Variants in ARHGAP35 observed in about 807,000 individuals in gnomAD.
ARHGAP35 encodes the protein Rho GTPase activating protein 35, also known as rho GTPase-activating protein 35.
A neutral mutation model predicts 111.1 loss-of-function variants in ARHGAP35; 15 were observed. The observed-to-expected ratio is 0.13, with a 90% confidence interval of 0.09 to 0.21. The LOEUF (loss-of-function observed/expected upper bound fraction) is 0.21. Among genes scored for constraint, ARHGAP35 ranks in the 10% least tolerant of loss-of-function variants. The pLI is 1.00. For missense variants in ARHGAP35, 1,262 were observed against 1,873.0 expected (o/e 0.67, Z 6.02); for synonymous variants, 643 against 710.3 (o/e 0.91, Z 1.51).
At chr19:46,979,542 G>A (rs370391537) in intron 3 of ARHGAP35, among the ~76,000 whole-genome samples, 1 of 152,192 alleles carries the variant, frequency 6.6e-6, no homozygotes, top group Non-Finnish European at 1.5e-5. Flanking sequence ...CTCAGAGCAG[G>A]TCCAGAAGTC....
At chr19:46,881,205 G>A (rs2055960950) in intron 1 of ARHGAP35, among the ~76,000 whole-genome samples, 1 of 152,126 alleles carries the variant, frequency 6.6e-6, no homozygotes, top group Non-Finnish European at 1.5e-5. Flanking sequence ...CTCCCAAAGT[G>A]CAGGGATTAT....
At chr19:46,983,300 G>A (rs2056631098) in intron 3 of ARHGAP35, among the ~76,000 whole-genome samples, 1 of 152,090 alleles carries the variant, frequency 6.6e-6, no homozygotes, top group African/African-American at 2.4e-5. Context: ...TGGTCTCAGC[G>A]TTCCTGTCTG....
chr19:46,892,281 C>T (rs1163063176), intron 1 of ARHGAP35, among the ~76,000 whole-genome samples: 5 of 143,088 alleles, frequency 3.5e-5, no homozygotes, highest in African/African-American at 1.0e-4. Flanking sequence ...CTAGCCTGGG[C>T]GACAGAGCGA....
At chr19:46,995,525 G>A (rs1012006627) in intron 5 of ARHGAP35, among the ~76,000 whole-genome samples, 13 of 152,360 alleles carry the variant, frequency 8.5e-5, no homozygotes, top group Admixed American at 7.8e-4. Context: ...CGGGGACCCA[G>A]AGCAGATGGG....
chr19:46,891,720 C>T (rs2056024798), intron 1 of ARHGAP35, among the ~76,000 whole-genome samples: 4 of 152,092 alleles, frequency 2.6e-5, no homozygotes, highest in South Asian at 4.1e-4. Flanking sequence ...CCACTGTGCC[C>T]GGCCAGGGCA....
intron 1 of ARHGAP35, among the ~76,000 whole-genome samples, chr19:46,863,990 C>CCTCTGGTATTGCAGGCA (rs1313049000): frequency 6.6e-6 from 1 of 152,190 alleles, no homozygotes; most frequent in Non-Finnish European, 1.5e-5. Context: ...AGATTTCTGC[C>CCTCTGGTATTGCAGGCA]CTCTGGTATT....
rs1407535691 is a variant in ARHGAP35 at position 46,918,547 on chromosome 19, ACACTATGGG to A, written c.-128_-120del. 1.7e-5 allele frequency: 14 copies of A among 841,722 alleles called. No homozygotes were observed. Among genetic ancestry groups the A allele is most frequent in the Non-Finnish European group, 2.5e-5 (13 of 524,720 alleles). 52.1% of individuals were successfully genotyped at this position (841,722 alleles called of 1,614,324 possible). ...TGAACAGTGACCATACTGGTATACAACACTATGGGACCTGGCATTTTTGCTGCATGTCCA... is the reference window on the plus strand; with the variant it reads ...TGAACAGTGACCATACTGGTATACAAACCTGGCATTTTTGCTGCATGTCCA... On this transcript the variant is annotated 5_prime_UTR_variant, in exon 2 of 7. An upstream start codon of the reference 5' UTR is lost. Transcript: ENST00000672722. The surrounding 1 kb of genome is among the most constrained non-coding windows in gnomAD (Gnocchi z 5.4).
intron 1 of ARHGAP35, among the ~76,000 whole-genome samples, chr19:46,917,477 G>T (rs1047506598): frequency 6.6e-6 from 1 of 151,954 alleles, no homozygotes; most frequent in Non-Finnish European, 1.5e-5. Context: ...GCACGGTGGC[G>T]CATGCCTGTA....
At position 46,879,587 on chromosome 19, in the gene ARHGAP35, AAAATAAAT is replaced by A. The variant is rs376342193; in HGVS notation, c.-189+18402_-189+18409del. Among the ~76,000 whole-genome samples, 7 of 87,724 alleles carry A rather than the reference AAAATAAAT, an allele frequency of 8.0e-5. No homozygotes were observed. In the East Asian group the frequency reaches 1.2e-3, roughly 16 times the overall value. 57.6% of individuals were successfully genotyped at this position (87,724 alleles called of 152,430 possible). On this transcript the variant is annotated intron_variant, in intron 1 of 6. Transcript: ENST00000672722. ...GGACAACAGAGTGAGACTCCATCTC[AAAATAAAT>A]AAATAAATAAATAAATAAATAAAAA...
Position 46,921,450 on chromosome 19 carries a change from C to G in ARHGAP35, c.2775C>G (p.Ser925Arg). 1 of 1,613,856 alleles carries G rather than the reference C, an allele frequency of 6.2e-7. No homozygotes were observed. Among genetic ancestry groups the G allele is most frequent in the Non-Finnish European group, 8.5e-7 (1 of 1,179,840 alleles). ...GAAGGTTCACAAGCATCCCCTGTAG[C>G]CAACCCCAGCATAAACTTGAGATCT... ...IDGRFTSIPC[S>R]QPQHKLEIFH... The change falls in exon 2 of 7, where the codon AGC becomes AGG. Residue 925 changes from serine to arginine, a missense_variant. Around this residue, in one of 8 missense-constraint regions of ARHGAP35, gnomAD observed 579 missense variants for 716.9 expected, o/e 0.81. Transcript: ENST00000672722. This position sits in a 1 kb window ranked among gnomAD's most constrained non-coding sequence, Gnocchi z 4.3.
At chr19:46,928,198 T>C (rs960785769) in intron 2 of ARHGAP35, among the ~76,000 whole-genome samples, 7 of 152,194 alleles carry the variant, frequency 4.6e-5, no homozygotes, top group African/African-American at 1.7e-4. Flanking sequence ...TATCTTTAAC[T>C]ATCTGCCTTA....
chr19:46,883,512 A>G (rs147699805), intron 1 of ARHGAP35, among the ~76,000 whole-genome samples: 1 of 152,328 alleles, frequency 6.6e-6, no homozygotes, highest in East Asian at 1.9e-4. Context: ...GGTGCAGTTT[A>G]TGGTGCCCCA....
In ARHGAP35 at chr19:46,994,886, G is replaced by C. The variant is rs2056699054; in HGVS notation, c.4037-4418G>C. Reference sequence around the variant, plus strand: ...GAGAATGAAAGAATTCGCATTGTCTGACAAGGCAAGAATGGGGCGCTGTCA... The same window carrying C: ...GAGAATGAAAGAATTCGCATTGTCTCACAAGGCAAGAATGGGGCGCTGTCA... On this transcript the variant is annotated intron_variant, in intron 5 of 6. Transcript: ENST00000672722. The surrounding 1 kb of genome is among the most constrained non-coding windows in gnomAD (Gnocchi z 5.4). Among the ~76,000 whole-genome samples, 1 of 152,200 alleles carries C rather than the reference G, an allele frequency of 6.6e-6. No homozygotes were observed. The highest frequency in any genetic ancestry group is 1.5e-5 in the Non-Finnish European group (1 of 68,036).
intron 3 of ARHGAP35, among the ~76,000 whole-genome samples, chr19:46,937,622 C>T (rs1030007754): frequency 2.0e-5 from 3 of 152,160 alleles, no homozygotes; most frequent in Non-Finnish European, 4.4e-5. Flanking sequence ...AGGCCTTGGC[C>T]TACGAAGGAG....
At chr19:46,937,222 A>G in intron 2 of ARHGAP35, 42 bp from the exon 3 acceptor site, 1 of 1,610,880 alleles carries the variant, frequency 6.2e-7, no homozygotes, top group Non-Finnish European at 8.5e-7. Flanking sequence ...ACATGTTGAT[A>G]CTCACTTTGT....
intron 1 of ARHGAP35, among the ~76,000 whole-genome samples, chr19:46,898,326 A>T (rs2056067976): frequency 6.6e-6 from 1 of 152,186 alleles, no homozygotes; most frequent in African/African-American, 2.4e-5. Flanking sequence ...ATTCCACAAA[A>T]ACTCGATTTA....
intron 1 of ARHGAP35, among the ~76,000 whole-genome samples, chr19:46,890,547 CAA>C (rs1048786374): frequency 6.6e-6 from 1 of 152,122 alleles, no homozygotes; most frequent in Non-Finnish European, 1.5e-5. Flanking sequence ...GTGTCATGGC[CAA>C]AGTCATAGAG....
At position 46,919,556 on chromosome 19, in the gene ARHGAP35, G is replaced by A; in HGVS notation, c.881G>A (p.Ser294Asn). Residue 294 changes from serine (S) to asparagine (N), a missense_variant, in exon 2 of 7, where the codon AGT becomes AAT. By Grantham distance (46) the Ser-to-Asn change is conservative. Transcript: ENST00000672722. The surrounding 1 kb of genome is among the most constrained non-coding windows in gnomAD (Gnocchi z 6.2). ...IVKNHNENWLSVSRKMQASPE... is the reference protein window; with the variant it reads ...IVKNHNENWLNVSRKMQASPE... ...AAAAACCACAATGAGAACTGGCTGA[G>A]TGTCAGCCGAAAGATGCAGGCCTCT... is the stretch of plus-strand genomic sequence containing the variant. 1 of 1,613,966 alleles carries A rather than the reference G, an allele frequency of 6.2e-7. No individual in the cohort carries two copies. Among genetic ancestry groups the A allele is most frequent in the Non-Finnish European group, 8.5e-7 (1 of 1,179,886 alleles).
At chr19:46,953,328 G>A (rs1254237650) in intron 3 of ARHGAP35, among the ~76,000 whole-genome samples, 1 of 152,150 alleles carries the variant, frequency 6.6e-6, no homozygotes, top group Non-Finnish European at 1.5e-5. Context: ...AGGAGGGCTG[G>A]GGAAGAGTGG....
Sources: gnomAD v4.1 joint callset for allele counts (sites outside exome capture counted in the v4.1 genomes callset) on GRCh38, gnomAD v4.1.1 for gene constraint, gnomAD v4.1.1 regional missense constraint, Gnocchi (gnomAD v3.1) non-coding constraint, MANE v1.5 for transcripts, NCBI Gene and HGNC (gene_info 2026-07-23, HGNC 2026-07-21) for gene names.